Variants in SMAD9 observed in about 807,000 individuals in gnomAD.
SMAD9 encodes SMAD family member 9.
A neutral mutation model predicts 46.1 loss-of-function variants in SMAD9; 36 were observed. That is an observed-to-expected ratio of 0.78 (90% CI 0.60 to 1.03). The LOEUF (loss-of-function observed/expected upper bound fraction) is 1.03, where lower values mean the gene tolerates loss of function less well. SMAD9 is among the 50% of genes least tolerant of loss of function. The pLI is 0.00. For synonymous variants in SMAD9, 245 were observed against 237.1 expected (o/e 1.03, Z -0.31); for missense variants, 572 against 599.8 (o/e 0.95, Z 0.48).
intron 1 of SMAD9, among the ~76,000 whole-genome samples, chr13:36,898,625 T>A (rs1368032464): frequency 6.6e-6 from 1 of 152,158 alleles, no homozygotes; most frequent in African/African-American, 2.4e-5. Flanking sequence ...TAAATTAGCA[T>A]GTTTCACCAT....
At chr13:36,889,591 T>A (rs2058474013) in intron 1 of SMAD9, among the ~76,000 whole-genome samples, 1 of 152,194 alleles carries the variant, frequency 6.6e-6, no homozygotes, top group South Asian at 2.1e-4. Context: ...ACTGCTTTGA[T>A]TGAAATTTTA....
At chr13:36,883,965 AGGGTGTTTCTGAGCGAT>A (rs1416548491) in intron 1 of SMAD9, among the ~76,000 whole-genome samples, 4 of 152,120 alleles carry the variant, frequency 2.6e-5, no homozygotes, top group Non-Finnish European at 2.9e-5. Flanking sequence ...TCTCCAGGGA[AGGGTGTTTCTGAGCGAT>A]GGGTCCAGGA....
In SMAD9 at chr13:36,848,561, T is replaced by G. The variant is rs2058050421; in HGVS notation, c.*115A>C. 1 of 1,005,540 alleles carries G rather than the reference T, an allele frequency of 9.9e-7. No homozygotes were observed. The highest frequency in any genetic ancestry group is 1.6e-5 in the African/African-American group (1 of 63,028). The allele number at this position is 1,005,540 out of a possible 1,614,324, so 62.3% of individuals were successfully genotyped here. ...GTGATTAAAAAAAATAAGAACAGTA[T>G]ACATTCTATGTATTTACACATGTTT... On this transcript the variant is annotated 3_prime_UTR_variant, in exon 7 of 7. Coordinates refer to ENST00000379826, the MANE Select transcript of SMAD9 (RefSeq NM_001127217.3).
rs114832425 is a variant in SMAD9, at chr13:36,915,235, C to T, written c.-187+4881G>A. Among the ~76,000 whole-genome samples, 526 of 152,226 alleles carry T rather than the reference C, an allele frequency of 3.5e-3. 5 individuals carry two copies. Among genetic ancestry groups the T allele is most frequent in the African/African-American group, 0.012 (509 of 41,538 alleles). Reference sequence around the variant, plus strand: ...TGTCACCAACACGTTTGAATGGCCGCAAGACCACATGTATGCTATCCAGAT... The same window carrying T: ...TGTCACCAACACGTTTGAATGGCCGTAAGACCACATGTATGCTATCCAGAT... On this transcript the variant is annotated intron_variant, in intron 1 of 6. Coordinates refer to ENST00000379826, the MANE Select transcript of SMAD9 (RefSeq NM_001127217.3).
intron 6 of SMAD9, chr13:36,852,241 T>C: frequency 2.2e-6 from 2 of 910,486 alleles, no homozygotes; most frequent in Non-Finnish European, 2.6e-6. Context: ...TTATTTGTCA[T>C]GGTAATTTTA....
In SMAD9 at chr13:36,848,784, G is replaced by A. The variant is rs776608067; in HGVS notation, c.1296C>T (p.Thr432=). ...GAATCTCAATCCAGCAGGGGGTGCT[G>A]GTGACATCCTGGCGATGATACTCAG... is the stretch of plus-strand genomic sequence containing the variant. ...WGAEYHRQDV[T]STPCWIEIHL... Residue 432 remains threonine, a synonymous_variant, in exon 7 of 7, where the codon ACC becomes ACT. Coordinates refer to ENST00000379826, the MANE Select transcript of SMAD9 (RefSeq NM_001127217.3). The A allele has an allele frequency of 6.2e-7, 1 of 1,614,018 alleles. No homozygotes were observed. The highest frequency in any genetic ancestry group is 2.2e-5 in the East Asian group (1 of 44,864).
At chr13:36,918,967 A>C (rs781502470) in intron 1 of SMAD9, among the ~76,000 whole-genome samples, 1 of 152,176 alleles carries the variant, frequency 6.6e-6, no homozygotes, top group African/African-American at 2.4e-5. Context: ...TTTCCAAAAG[A>C]TCATCCGAGA....
intron 1 of SMAD9, among the ~76,000 whole-genome samples, chr13:36,903,481 T>C (rs1218501026): frequency 1.3e-5 from 2 of 152,212 alleles, no homozygotes; most frequent in Admixed American, 6.5e-5. Flanking sequence ...GCAGCTATTG[T>C]GTGCAAGTCA....
intron 4 of SMAD9, 49 bp downstream of exon 4, chr13:36,867,224 G>T: frequency 8.2e-7 from 1 of 1,225,320 alleles, no homozygotes. Context: ...GGGGTAATAG[G>T]AAATACTTTT....
At chr13:36,897,008 T>A (rs1050872645) in intron 1 of SMAD9, among the ~76,000 whole-genome samples, 1 of 152,116 alleles carries the variant, frequency 6.6e-6, no homozygotes, top group East Asian at 1.9e-4. Context: ...ACACTCTATG[T>A]GTAGATTTTA....
chr13:36,889,131 C>A (rs574219648), intron 1 of SMAD9, among the ~76,000 whole-genome samples: 1 of 152,258 alleles, frequency 6.6e-6, no homozygotes, highest in African/African-American at 2.4e-5. Flanking sequence ...GAATTTATTT[C>A]TGAATAAACG....
At chr13:36,877,182 T>C (rs987748046) in intron 2 of SMAD9, among the ~76,000 whole-genome samples, 1 of 151,972 alleles carries the variant, frequency 6.6e-6, no homozygotes, top group African/African-American at 2.4e-5. Flanking sequence ...GCCAACATGG[T>C]GAAACCCCGT....
chr13:36,848,600 T>C lies in SMAD9; in HGVS notation c.*76A>G. 1.5e-6 allele frequency: 2 copies of C among 1,371,422 alleles called. No individual in the cohort carries two copies. The highest frequency in any genetic ancestry group is 1.2e-5 in the South Asian group (1 of 85,888). 85.0% of individuals were successfully genotyped at this position (1,371,422 alleles called of 1,614,324 possible). A position where few individuals can be genotyped will look rare whatever the true frequency, so the allele number is the denominator to read the frequency against. On this transcript the variant is annotated 3_prime_UTR_variant, in exon 7 of 7. Transcript: ENST00000379826. Reference sequence around the variant, plus strand: ...TTACACATGTTTTTAGAAACTTCAGTTGCAAATCTGAAATGATACAAGCCA... The same window carrying C: ...TTACACATGTTTTTAGAAACTTCAGCTGCAAATCTGAAATGATACAAGCCA...
At chr13:36,905,723 C>G (rs1045670121) in intron 1 of SMAD9, among the ~76,000 whole-genome samples, 1 of 124,628 alleles carries the variant, frequency 8.0e-6, no homozygotes, top group African/African-American at 3.1e-5. Context: ...TCCTGTGAGC[C>G]GAGATTGTAC....
chr13:36,873,948 G>A (rs1243553259), intron 2 of SMAD9, among the ~76,000 whole-genome samples: 1 of 152,184 alleles, frequency 6.6e-6, no homozygotes. Flanking sequence ...TTTTTAAAAA[G>A]AATGTTACTG....
At chr13:36,874,752 G>A (rs866096319) in intron 2 of SMAD9, among the ~76,000 whole-genome samples, 7 of 151,258 alleles carry the variant, frequency 4.6e-5, no homozygotes, top group Non-Finnish European at 1.0e-4. Context: ...AGCTACTTGG[G>A]GGGGCTGAGG....
chr13:36,868,716 A>G (rs2058259600), intron 3 of SMAD9, among the ~76,000 whole-genome samples: 1 of 152,080 alleles, frequency 6.6e-6, no homozygotes, highest in Non-Finnish European at 1.5e-5. Flanking sequence ...CTGGGTAACA[A>G]AACAAGGCCC....
chr13:36,908,361 A>G (rs1752487321), intron 1 of SMAD9, among the ~76,000 whole-genome samples: 2 of 152,244 alleles, frequency 1.3e-5, no homozygotes, highest in African/African-American at 2.4e-5. Context: ...AAACATTCCT[A>G]GATTCAACAA....
intron 3 of SMAD9, 57 bp from the exon 4 acceptor site, chr13:36,867,440 G>T: frequency 8.5e-7 from 1 of 1,177,632 alleles, no homozygotes; most frequent in Non-Finnish European, 1.2e-6. Flanking sequence ...CACAAAGACA[G>T]TTGGATCCGA....
Sources: gnomAD v4.1 joint callset for allele counts (sites outside exome capture counted in the v4.1 genomes callset) on GRCh38, gnomAD v4.1.1 for gene constraint, MANE v1.5 for transcripts, NCBI Gene and HGNC (gene_info 2026-07-23, HGNC 2026-07-21) for gene names.